The following FMN2 variants were observed in gnomAD, a reference collection of about 807,000 sequenced individuals.
The protein encoded by FMN2 is formin-2.
A neutral mutation model predicts 142.3 loss-of-function variants in FMN2; 51 were observed. That is an observed-to-expected ratio of 0.36 (90% CI 0.29 to 0.45). The LOEUF is 0.45. FMN2 is among the 20% of genes least tolerant of loss of function. The probability of loss-of-function intolerance (pLI) is 1.00; values close to 1 mark genes in which losing one functional copy is unlikely to be tolerated. For synonymous variants in FMN2, 882 were observed against 869.8 expected, an observed-to-expected ratio of 1.01 and a Z score of -0.25; for missense variants, 1,936 against 2,122.8, an observed-to-expected ratio of 0.91 and a Z score of 1.73.
intron 15 of FMN2, chr1:240,401,186 C>T (rs942383094): frequency 4.0e-5 from 6 of 150,636 alleles, no homozygotes; most frequent in African/African-American, 1.5e-4. Context: ...TGTATTTTAT[C>T]TCTAAATATT....
rs575573639 is a variant in FMN2, at chr1:240,148,381, G to C, written c.1782+25036G>C. On this transcript the variant is annotated intron_variant, in intron 2 of 17. Transcript: ENST00000319653. ...AGAGACAGAGACAGAGAGAGAGAGA[G>C]AAAGACAGAGAGAAAGACAGAGAGA... Among the ~76,000 whole-genome samples, 226 of 148,630 alleles carry C rather than the reference G, an allele frequency of 1.5e-3. 3 individuals are homozygous for C. The highest frequency in any genetic ancestry group is 5.3e-3 in the African/African-American group (209 of 39,124).
intron 4 of FMN2, among the ~76,000 whole-genome samples, chr1:240,204,931 A>G (rs1666273663): frequency 6.6e-6 from 1 of 152,206 alleles, no homozygotes; most frequent in Non-Finnish European, 1.5e-5. Context: ...TTTAATAAAG[A>G]AGATGTTTGC....
At chr1:240,180,460 G>A (rs1373353317) in intron 3 of FMN2, among the ~76,000 whole-genome samples, 1 of 150,914 alleles carries the variant, frequency 6.6e-6, no homozygotes, top group Non-Finnish European at 1.5e-5. Flanking sequence ...CACAAAGTTT[G>A]ATAATATAAT....
chr1:240,409,066 C>T lies in FMN2; in HGVS notation c.4910+16504C>T, dbSNP rs77068565. 5.5e-3 allele frequency among the ~76,000 whole-genome samples: 830 copies of T among 152,180 alleles called. 5 individuals are homozygous for T. Among genetic ancestry groups the T allele is most frequent in the African/African-American group, 0.019 (793 of 41,530 alleles). On this transcript the variant is annotated intron_variant, in intron 15 of 17. Coordinates refer to ENST00000319653, the MANE Select transcript of FMN2 (RefSeq NM_020066.5). Reference sequence around the variant, plus strand: ...CTGTATTTGAAATATTTGTTTTGTCCGGTGCCCTATTTAAGTGGCTAAGCC... The same window carrying T: ...CTGTATTTGAAATATTTGTTTTGTCTGGTGCCCTATTTAAGTGGCTAAGCC...
chr1:240,240,471 C>A (rs931064927), intron 6 of FMN2, among the ~76,000 whole-genome samples: 3 of 152,136 alleles, frequency 2.0e-5, no homozygotes, highest in Non-Finnish European at 4.4e-5. Flanking sequence ...TTGTGGTTGT[C>A]ATTAACCTTA....
chr1:240,123,200 TG>T lies in FMN2; in HGVS notation c.1638del (p.Phe547SerfsTer121). 1 of 1,614,188 alleles carries T rather than the reference TG, an allele frequency of 6.2e-7. No individual in the cohort carries two copies. The highest frequency in any genetic ancestry group is 1.3e-5 in the African/African-American group (1 of 75,054). On this transcript the variant is annotated frameshift_variant, in exon 2 of 18. Transcript: ENST00000319653. LOFTEE classifies it high-confidence loss of function. ...GCAGGGCGAACGCTGTTGGAGAAGC[TG>T]TTCAGCCAGCAGGAGAACGGGCCTC... ...VFTGRTLLEK[L>X]FSQQENGPPE...
intron 11 of FMN2, 27 bp from the exon 12 acceptor site, chr1:240,333,860 G>C: frequency 6.4e-7 from 1 of 1,559,298 alleles, no homozygotes; most frequent in Non-Finnish European, 8.7e-7. Flanking sequence ...AAAATATATT[G>C]TCACTGACTT....
At chr1:240,273,728 C>A (rs941501844) in intron 7 of FMN2, among the ~76,000 whole-genome samples, 8 of 152,026 alleles carry the variant, frequency 5.3e-5, no homozygotes, top group Non-Finnish European at 1.0e-4. Context: ...TTGCTTTATT[C>A]CTTCTATTAT....
chr1:240,400,331 C>T lies in FMN2; in HGVS notation c.4910+7769C>T, dbSNP rs114983966. On this transcript the variant is annotated intron_variant, in intron 15 of 17. Coordinates refer to ENST00000319653, the MANE Select transcript of FMN2 (RefSeq NM_020066.5). ...GCCTCACTGGCAGCAGGGAACTCAG[C>T]GCAACCGCTGGCCACCACTGGCAGA... 3.0e-3 allele frequency among the ~76,000 whole-genome samples: 451 copies of T among 152,208 alleles called. 2 individuals are homozygous for T. Among genetic ancestry groups the T allele is most frequent in the Non-Finnish European group, 4.5e-3 (307 of 68,008 alleles).
At chr1:240,464,960 A>G (rs1327145317) in intron 16 of FMN2, among the ~76,000 whole-genome samples, 1 of 152,198 alleles carries the variant, frequency 6.6e-6, no homozygotes, top group Non-Finnish European at 1.5e-5. Flanking sequence ...GATGAAATTT[A>G]TAAATAGGTG....
At chr1:240,281,799 C>G (rs1441591632) in intron 7 of FMN2, among the ~76,000 whole-genome samples, 1 of 152,106 alleles carries the variant, frequency 6.6e-6, no homozygotes, top group East Asian at 1.9e-4. Context: ...GCATTTCTTA[C>G]TGTAGAGCAA....
intron 6 of FMN2, among the ~76,000 whole-genome samples, chr1:240,224,150 T>C (rs1044727078): frequency 1.3e-5 from 2 of 152,206 alleles, no homozygotes; most frequent in East Asian, 3.9e-4. Flanking sequence ...TAATTACTGC[T>C]TTAGCTGTGT....
chr1:240,170,344 G>A lies in FMN2; in HGVS notation c.1783-7577G>A, dbSNP rs1477874161. 7 of 1,123,424 alleles carry A rather than the reference G, an allele frequency of 6.2e-6. No individual in the cohort carries two copies. In the South Asian group the frequency reaches 7.4e-5, roughly 12 times the overall value. 69.6% of individuals were successfully genotyped at this position (1,123,424 alleles called of 1,614,324 possible). A position where few individuals can be genotyped will look rare whatever the true frequency, so the allele number is the denominator to read the frequency against. Reference sequence around the variant, plus strand: ...TACCCTGAGCAGAGCTGATCCTGAGGGTTGTTTTCCAGTGATCTTGGGACA... The same window carrying A: ...TACCCTGAGCAGAGCTGATCCTGAGAGTTGTTTTCCAGTGATCTTGGGACA... On this transcript the variant is annotated intron_variant, in intron 2 of 17. Coordinates refer to ENST00000319653, the MANE Select transcript of FMN2 (RefSeq NM_020066.5).
At chr1:240,293,376 A>G (rs1266673182) in intron 7 of FMN2, among the ~76,000 whole-genome samples, 1 of 152,114 alleles carries the variant, frequency 6.6e-6, no homozygotes, top group African/African-American at 2.4e-5. Context: ...ATTATTAGCT[A>G]GCTGATGAAT....
chr1:240,440,081 T>C (rs1675556996), intron 16 of FMN2, among the ~76,000 whole-genome samples: 1 of 152,174 alleles, frequency 6.6e-6, no homozygotes, highest in Non-Finnish European at 1.5e-5. Flanking sequence ...ACTGATGACG[T>C]TGTCACTTTG....
intron 1 of FMN2, among the ~76,000 whole-genome samples, chr1:240,117,566 C>A (rs6693139): frequency 0.64 from 97,718 of 152,058 alleles, 32,157 homozygotes; most frequent in African/African-American, 0.79. Flanking sequence ...TAAGCCGCTG[C>A]GGAAGGAAGT....
intron 13 of FMN2, among the ~76,000 whole-genome samples, chr1:240,354,133 G>A (rs1031305538): frequency 6.6e-6 from 1 of 152,122 alleles, no homozygotes; most frequent in African/African-American, 2.4e-5. Flanking sequence ...AAGCGGTTGG[G>A]TCTCTTCTGG....
chr1:240,408,101 A>AT (rs1458550957), intron 15 of FMN2, among the ~76,000 whole-genome samples: 15 of 152,228 alleles, frequency 9.9e-5, no homozygotes, highest in African/African-American at 3.6e-4. Context: ...CTTACAAAAT[A>AT]ATTTACAAAA....
chr1:240,278,299 G>C (rs1669285863), intron 7 of FMN2, among the ~76,000 whole-genome samples: 1 of 152,120 alleles, frequency 6.6e-6, no homozygotes, highest in Admixed American at 6.6e-5. Flanking sequence ...CATAGCACAA[G>C]GTCTGGGTGT....
Sources: gnomAD v4.1 joint callset for allele counts (sites outside exome capture counted in the v4.1 genomes callset) on GRCh38, gnomAD v4.1.1 for gene constraint, MANE v1.5 for transcripts, NCBI Gene and HGNC (gene_info 2026-07-23, HGNC 2026-07-21) for gene names.